Variants in DENND6A observed in about 807,000 individuals in gnomAD.
DENND6A encodes the protein protein DENND6A.
Under a neutral mutation model 95.5 loss-of-function variants are expected in DENND6A, and 43 were observed. The observed-to-expected ratio is 0.45, with a 90% CI of 0.35 to 0.58. The LOEUF (loss-of-function observed/expected upper bound fraction) is 0.58, where lower values mean the gene tolerates loss of function less well. DENND6A is among the 20% of genes least tolerant of loss of function. The pLI, the probability that DENND6A is intolerant of heterozygous loss-of-function variation, is 0.00. For synonymous variants in DENND6A, 257 were observed against 260.4 expected (o/e 0.99, Z 0.13); for missense variants, 574 against 736.0 (o/e 0.78, Z 2.55).
At chr3:57,675,084 TTA>T (rs1371924049) in intron 1 of DENND6A, among the ~76,000 whole-genome samples, 1 of 152,182 alleles carries the variant, frequency 6.6e-6, no homozygotes, top group East Asian at 1.9e-4. Flanking sequence ...AGACATGAGT[TTA>T]TGTACATGTT....
intron 9 of DENND6A, among the ~76,000 whole-genome samples, chr3:57,651,012 G>C (rs145021484): frequency 6.6e-6 from 1 of 152,024 alleles, no homozygotes; most frequent in Non-Finnish European, 1.5e-5. Context: ...TCGAACTCCC[G>C]ATCTCAGATG....
At chr3:57,656,390 T>G (rs2071326597) in intron 9 of DENND6A, among the ~76,000 whole-genome samples, 1 of 152,218 alleles carries the variant, frequency 6.6e-6, no homozygotes, top group African/African-American at 2.4e-5. Context: ...GTATTCCATG[T>G]GCATTCATGT....
rs1404532455 is a variant in DENND6A at position 57,628,106 on chromosome 3, C to CA, written c.*107dup. On this transcript the variant is annotated 3_prime_UTR_variant, in exon 20 of 20. Coordinates refer to ENST00000311128, the MANE Select transcript of DENND6A (RefSeq NM_152678.3). ...TCTACCCTGTAACTAGCATTCATGG[C>CA]AATTTTCCACTCCGCTGCCACTGAG... is the stretch of plus-strand genomic sequence containing the variant. The CA allele has an allele frequency of 1.0e-5, 15 of 1,485,052 alleles. No homozygotes were observed. Among genetic ancestry groups the CA allele is most frequent in the Non-Finnish European group, 1.2e-5 (13 of 1,108,990 alleles). 92.0% of individuals were successfully genotyped at this position (1,485,052 alleles called of 1,614,324 possible).
chr3:57,628,427 A>G, intron 19 of DENND6A, 82 bp from the exon 20 acceptor site: 1 of 1,502,534 alleles, frequency 6.7e-7, no homozygotes, highest in Non-Finnish European at 8.9e-7. Context: ...AAACCATTTT[A>G]AAGGTCTAAC....
intron 7 of DENND6A, among the ~76,000 whole-genome samples, chr3:57,659,939 T>C (rs1233387092): frequency 1.3e-5 from 2 of 152,196 alleles, no homozygotes; most frequent in Admixed American, 6.5e-5. Flanking sequence ...GGCAGGGCCA[T>C]GGAATTGCAG....
chr3:57,625,560 C>G lies in DENND6A; in HGVS notation c.*2654G>C, dbSNP rs1409271430. On this transcript the variant is annotated 3_prime_UTR_variant, in exon 20 of 20. Coordinates refer to ENST00000311128, the MANE Select transcript of DENND6A (RefSeq NM_152678.3). ...AGAAGGCACTAGGCATTACATAATA[C>G]CCTTAAAGCAGTGATTCCTCCTGAT... is the stretch of plus-strand genomic sequence containing the variant. 1 of 152,410 alleles carries G rather than the reference C, an allele frequency of 6.6e-6. No individual in the cohort carries two copies. The highest frequency in any genetic ancestry group is 1.5e-5 in the Non-Finnish European group (1 of 68,014). 9.4% of individuals were successfully genotyped at this position (152,410 alleles called of 1,614,324 possible). A position where few individuals can be genotyped will look rare whatever the true frequency, so the allele number is the denominator to read the frequency against.
chr3:57,651,196 A>G (rs1200141678), intron 9 of DENND6A, among the ~76,000 whole-genome samples: 1 of 152,238 alleles, frequency 6.6e-6, no homozygotes, highest in Non-Finnish European at 1.5e-5. Flanking sequence ...AGCAGTACGC[A>G]TTCAGTATGC....
At chr3:57,636,628 GC>G (rs2070798086) in intron 12 of DENND6A, among the ~76,000 whole-genome samples, 1 of 152,078 alleles carries the variant, frequency 6.6e-6, no homozygotes, top group South Asian at 2.1e-4. Flanking sequence ...TAACAGTTAA[GC>G]CAACTTGTAA....
intron 15 of DENND6A, among the ~76,000 whole-genome samples, chr3:57,632,163 G>T (rs1395371758): frequency 6.6e-6 from 1 of 150,460 alleles, no homozygotes; most frequent in Non-Finnish European, 1.5e-5. Context: ...GGGACTACAG[G>T]TGCGTGCCAC....
At chr3:57,662,185 C>CTTTTTTTTTTTTTTTTTTTTTTTTTTT in intron 5 of DENND6A, among the ~76,000 whole-genome samples, 1 of 79,136 alleles carries the variant, frequency 1.3e-5, no homozygotes, top group Non-Finnish European at 2.3e-5. Flanking sequence ...TTTCTTTTTT[C>CTTTTTTTTTTTTTTTTTTTTTTTTTTT]TTTTTTTTTT....
intron 19 of DENND6A, 105 bp from the exon 20 acceptor site, chr3:57,628,450 T>C (rs1238654943): frequency 3.5e-6 from 5 of 1,420,968 alleles, no homozygotes; most frequent in African/African-American, 2.9e-5. Context: ...TTAGATACTT[T>C]CAGTCTTAGA....
At chr3:57,691,096 G>A (rs529228765) in intron 1 of DENND6A, among the ~76,000 whole-genome samples, 1 of 152,238 alleles carries the variant, frequency 6.6e-6, no homozygotes, top group Non-Finnish European at 1.5e-5. Flanking sequence ...ACATATTCAC[G>A]TTATAAAGAA....
rs543303807 is a variant in DENND6A at position 57,692,710 on chromosome 3, G to C, written c.237+72C>G. ...ACAGGGTCCTGGCCGGTCAGCCCGC[G>C]GGCCGCTGGCTTTGCTGCAGCCGCC... On this transcript the variant is annotated intron_variant, in intron 1 of 19. Transcript: ENST00000311128. 3.7e-5 allele frequency: 49 copies of C among 1,331,424 alleles called. No homozygotes were observed. In the Admixed American group the frequency reaches 1.2e-3, roughly 32 times the overall value. The allele number at this position is 1,331,424 out of a possible 1,614,324, so 82.5% of individuals were successfully genotyped here. A position where few individuals can be genotyped will look rare whatever the true frequency, so the allele number is the denominator to read the frequency against.
intron 9 of DENND6A, among the ~76,000 whole-genome samples, chr3:57,653,940 A>ATTTTT (rs2071266818): frequency 1.9e-5 from 2 of 105,852 alleles, no homozygotes; most frequent in Non-Finnish European, 3.8e-5. Flanking sequence ...TTAGAAATTC[A>ATTTTT]CTTTTTTTTT....
intron 9 of DENND6A, among the ~76,000 whole-genome samples, chr3:57,650,379 A>G (rs932489320): frequency 6.6e-6 from 1 of 151,680 alleles, no homozygotes; most frequent in Admixed American, 6.6e-5. Flanking sequence ...GTTAATAAAA[A>G]ATAATTTAAT....
intron 1 of DENND6A, chr3:57,679,535 C>CT: frequency 1.0e-6 from 1 of 985,428 alleles, no homozygotes; most frequent in African/African-American, 1.7e-5. Flanking sequence ...TCTTCAAACT[C>CT]TTAAGAGGCA....
At position 57,631,356 on chromosome 3, in the gene DENND6A, C is replaced by T. The variant is rs534087795; in HGVS notation, c.1354-378G>A. Among the ~76,000 whole-genome samples, 17 of 152,282 alleles carry T rather than the reference C, an allele frequency of 1.1e-4. No individual in the cohort carries two copies. In the South Asian group the frequency reaches 3.3e-3, roughly 30 times the overall value. On this transcript the variant is annotated intron_variant, in intron 15 of 19. Transcript: ENST00000311128. ...GGATTACAGGCGTGCGCCACCACGC[C>T]TGGCTAATTTTGTATTTTTAGTAGA...
At chr3:57,644,477 TG>T (rs2071023639) in intron 11 of DENND6A, among the ~76,000 whole-genome samples, 1 of 151,218 alleles carries the variant, frequency 6.6e-6, no homozygotes, top group Admixed American at 6.6e-5. Flanking sequence ...AGCTAATTTT[TG>T]TATTTTTTTT....
intron 5 of DENND6A, among the ~76,000 whole-genome samples, chr3:57,662,193 T>TTC (rs2071436429): frequency 1.5e-5 from 2 of 130,576 alleles, no homozygotes; most frequent in African/African-American, 5.9e-5. Flanking sequence ...TTCTTTTTTT[T>TTC]TTTTTTTTTT....
Sources: allele counts gnomAD v4.1 joint callset (sites outside exome capture counted in the v4.1 genomes callset), GRCh38; gene constraint gnomAD v4.1.1; transcripts MANE v1.5; gene names NCBI Gene and HGNC (gene_info 2026-07-23, HGNC 2026-07-21).